Variants in NT5DC1 observed in about 807,000 individuals in gnomAD.
NT5DC1 encodes the protein 5'-nucleotidase domain containing 1, also known as 5'-nucleotidase domain-containing protein 1.
A neutral mutation model predicts 59.4 loss-of-function variants in NT5DC1; 42 were observed. The observed-to-expected ratio is 0.71, with a 90% CI of 0.55 to 0.92. The LOEUF is 0.92. Ranked by LOEUF, NT5DC1 falls within the 40% of genes least tolerant of loss-of-function variation. The pLI is 0.00. For missense variants in NT5DC1, 501 were observed against 537.1 expected, an observed-to-expected ratio of 0.93 and a Z score of 0.66; for synonymous variants, 172 against 188.1, an observed-to-expected ratio of 0.91 and a Z score of 0.70.
intron 6 of NT5DC1, chr6:116,158,892 G>A (rs1167131708): frequency 6.6e-6 from 1 of 152,142 alleles, no homozygotes; most frequent in Admixed American, 6.6e-5. Context: ...TTTTCCAGCA[G>A]TCAGTGACTT....
chr6:116,122,106 A>G, intron 6 of NT5DC1: 2 of 843,482 alleles, frequency 2.4e-6, no homozygotes, highest in Admixed American at 3.7e-5. Flanking sequence ...AAATGGTTTT[A>G]GATTATATGT....
chr6:116,103,833 G>A (rs1289589600), intron 1 of NT5DC1, among the ~76,000 whole-genome samples: 2 of 152,184 alleles, frequency 1.3e-5, no homozygotes, highest in African/African-American at 4.8e-5. Flanking sequence ...TCTGATACCA[G>A]TCAGTTAACG....
At chr6:116,186,673 C>G (rs951963499) in intron 6 of NT5DC1, among the ~76,000 whole-genome samples, 15 of 151,968 alleles carry the variant, frequency 9.9e-5, no homozygotes, top group African/African-American at 4.8e-5. Flanking sequence ...TCTGTTGCTG[C>G]GAGTTTCCAG....
intron 6 of NT5DC1, among the ~76,000 whole-genome samples, chr6:116,168,087 T>C (rs1445577496): frequency 4.6e-5 from 7 of 150,760 alleles, no homozygotes. Context: ...TGGTGTCTTT[T>C]TTTTTTTTTT....
chr6:116,102,204 C>T (rs917553047), intron 1 of NT5DC1, among the ~76,000 whole-genome samples: 10 of 152,208 alleles, frequency 6.6e-5, no homozygotes, highest in Non-Finnish European at 2.9e-5. Context: ...CAGGGTTGTG[C>T]CCCATTATGG....
At chr6:116,124,551 A>G (rs1284355744) in intron 6 of NT5DC1, among the ~76,000 whole-genome samples, 1 of 152,236 alleles carries the variant, frequency 6.6e-6, no homozygotes, top group African/African-American at 2.4e-5. Flanking sequence ...TAAAAGTAGT[A>G]GAAATAAAAC....
At chr6:116,167,206 ATTTTTT>A (rs61348980) in intron 6 of NT5DC1, among the ~76,000 whole-genome samples, 3 of 87,796 alleles carry the variant, frequency 3.4e-5, no homozygotes, top group Admixed American at 1.5e-4. Context: ...CAAATAGAAG[ATTTTTT>A]TTTTTTTTTT....
In NT5DC1 at chr6:116,247,260, A is replaced by ATAATT. The variant is rs1771867902; in HGVS notation, c.*3239_*3243dup. The ATAATT allele has an allele frequency of 1.3e-5, 2 of 152,240 alleles. No individual in the cohort carries two copies. 9.4% of individuals were successfully genotyped at this position (152,240 alleles called of 1,614,324 possible). A position where few individuals can be genotyped will look rare whatever the true frequency, so the allele number is the denominator to read the frequency against. On this transcript the variant is annotated 3_prime_UTR_variant, in exon 12 of 12. Transcript: ENST00000319550. ...CACAGCCTCTATCTTTAAGTAATTC[A>ATAATT]TAATTTAGCCAAATATATTAAATAT...
rs752436023 is a variant in NT5DC1, at chr6:116,100,925, G to A, written c.-6G>A. 9.4e-6 allele frequency: 15 copies of A among 1,593,388 alleles called. No homozygotes were observed. The highest frequency in any genetic ancestry group is 1.1e-5 in the South Asian group (1 of 89,158). The stretch of plus-strand genomic sequence containing the variant: ...CGAGGCGCTCCCTGGTGCTCCCCGC[G>A]CAGCCATGGCTCAGCACTTCTCCCT... On this transcript the variant is annotated 5_prime_UTR_variant, in exon 1 of 12. Coordinates refer to ENST00000319550, the MANE Select transcript of NT5DC1 (RefSeq NM_152729.3).
rs956398626 is a variant in NT5DC1 at position 116,244,963 on chromosome 6, T to C, written c.*939T>C. On this transcript the variant is annotated 3_prime_UTR_variant, in exon 12 of 12. Coordinates refer to ENST00000319550, the MANE Select transcript of NT5DC1 (RefSeq NM_152729.3). ...AGATATGGCTTGTGGACTTCCAATA[T>C]CATCCTATCCAACAAAATCTTATTC... 5 of 152,184 alleles carry C rather than the reference T, an allele frequency of 3.3e-5. No individual in the cohort carries two copies. Among genetic ancestry groups the C allele is most frequent in the African/African-American group, 9.7e-5 (4 of 41,446 alleles). 9.4% of individuals were successfully genotyped at this position (152,184 alleles called of 1,614,324 possible).
intron 6 of NT5DC1, among the ~76,000 whole-genome samples, chr6:116,167,961 T>C (rs936795846): frequency 1.3e-5 from 2 of 152,186 alleles, no homozygotes; most frequent in Non-Finnish European, 2.9e-5. Context: ...TAGTTTCTAT[T>C]GTTTATGTTG....
intron 6 of NT5DC1, among the ~76,000 whole-genome samples, chr6:116,187,333 A>T (rs929530935): frequency 1.3e-5 from 2 of 152,054 alleles, no homozygotes; most frequent in Non-Finnish European, 2.9e-5. Flanking sequence ...CAAAATTTTA[A>T]CAAGTTTCTT....
At chr6:116,175,935 G>A (rs560395543) in intron 6 of NT5DC1, among the ~76,000 whole-genome samples, 15 of 152,052 alleles carry the variant, frequency 9.9e-5, no homozygotes, top group Non-Finnish European at 1.6e-4. Flanking sequence ...GTCTTTTAGC[G>A]CTGGGTTGTT....
chr6:116,132,832 C>A (rs1285784006), intron 6 of NT5DC1, among the ~76,000 whole-genome samples: 1 of 152,122 alleles, frequency 6.6e-6, no homozygotes, highest in Non-Finnish European at 1.5e-5. Flanking sequence ...GCACCTTCCA[C>A]CACCACCTTG....
At chr6:116,203,322 T>C (rs1216761197) in intron 6 of NT5DC1, among the ~76,000 whole-genome samples, 1 of 151,974 alleles carries the variant, frequency 6.6e-6, no homozygotes, top group Non-Finnish European at 1.5e-5. Flanking sequence ...TTATTAAATG[T>C]GAACATATTT....
At chr6:116,221,773 C>CATA (rs1249386125) in intron 7 of NT5DC1, among the ~76,000 whole-genome samples, 2 of 152,160 alleles carry the variant, frequency 1.3e-5, no homozygotes, top group African/African-American at 4.8e-5. Flanking sequence ...GGTTTTATAA[C>CATA]CTCTTTAAGC....
chr6:116,101,128 G>C (rs1778638678), intron 1 of NT5DC1, 105 bp downstream of exon 1: 5 of 779,250 alleles, frequency 6.4e-6, no homozygotes, highest in African/African-American at 1.8e-5. Flanking sequence ...CGGGGCCTGC[G>C]GCGGCCGAGT....
At chr6:116,192,515 G>A (rs57729606) in intron 6 of NT5DC1, among the ~76,000 whole-genome samples, 5,853 of 152,056 alleles carry the variant, frequency 0.038, 168 homozygotes, top group South Asian at 0.1. Flanking sequence ...ATTGGATTCT[G>A]TGTTTCTGTT....
chr6:116,213,974 G>T (rs1781638349), intron 6 of NT5DC1, among the ~76,000 whole-genome samples: 1 of 151,980 alleles, frequency 6.6e-6, no homozygotes, highest in African/African-American at 2.4e-5. Flanking sequence ...TGATCCTCCC[G>T]CCTCACCTTC....
Sources: gnomAD v4.1 joint callset for allele counts (sites outside exome capture counted in the v4.1 genomes callset) on GRCh38, gnomAD v4.1.1 for gene constraint, MANE v1.5 for transcripts, NCBI Gene and HGNC (gene_info 2026-07-23, HGNC 2026-07-21) for gene names.